The following DACH2 variants were observed in gnomAD, a reference collection of about 807,000 sequenced individuals.
DACH2 encodes the protein dachshund homolog 2.
DACH2 carries 17 observed loss-of-function variants against 35.8 expected under a neutral mutation model. The ratio of observed to expected loss-of-function variants is 0.48; its 90% CI spans 0.33 to 0.71. The LOEUF (loss-of-function observed/expected upper bound fraction) is 0.71. Among genes scored for constraint, DACH2 ranks in the 30% least tolerant of loss-of-function variants. The pLI is 0.02. For synonymous variants in DACH2, 195 were observed against 177.3 expected (o/e 1.10, Z -0.79); for missense variants, 469 against 472.7 (o/e 0.99, Z 0.07).
intron 3 of DACH2, among the ~76,000 whole-genome samples, chrX:86,588,442 A>T (rs1390374164): frequency 8.9e-6 from 1 of 111,856 alleles, no homozygotes; most frequent in Non-Finnish European, 1.9e-5. Flanking sequence ...AAATCTGTCG[A>T]TTGCTTTTGG....
At chrX:86,623,173 T>C (rs2040088680) in intron 3 of DACH2, among the ~76,000 whole-genome samples, 1 of 112,036 alleles carries the variant, frequency 8.9e-6, no homozygotes, top group South Asian at 3.7e-4. Flanking sequence ...AAATGAGACC[T>C]ATGTGTAGAC....
chrX:86,578,369 T>A (rs1011457311), intron 3 of DACH2, among the ~76,000 whole-genome samples: 1 of 111,021 alleles, frequency 9.0e-6, no homozygotes, highest in African/African-American at 3.3e-5. Flanking sequence ...TTCCTGTTGT[T>A]AGCATCTCAA....
chrX:86,724,587 C>G (rs1056305773), intron 6 of DACH2, among the ~76,000 whole-genome samples: 3 of 111,537 alleles, frequency 2.7e-5, no homozygotes, highest in Non-Finnish European at 1.9e-5. Context: ...CCTTTATAGA[C>G]GACTAGATGT....
At chrX:86,369,799 A>G (rs1265641696) in intron 1 of DACH2, among the ~76,000 whole-genome samples, 2 of 111,831 alleles carry the variant, frequency 1.8e-5, no homozygotes, top group Non-Finnish European at 1.9e-5. Context: ...GGACTTATAA[A>G]GTTTCTGATA....
chrX:86,165,012 G>C (rs7061273), intron 1 of DACH2, among the ~76,000 whole-genome samples: 31,219 of 109,796 alleles, frequency 0.28, 3,632 homozygotes, highest in Non-Finnish European at 0.34. Flanking sequence ...CATTGAATCT[G>C]TAAATTGCTT....
intron 1 of DACH2, among the ~76,000 whole-genome samples, chrX:86,375,756 GCT>G (rs928888083): frequency 2.8e-5 from 3 of 108,648 alleles, no homozygotes; most frequent in African/African-American, 1.0e-4. Flanking sequence ...TTTTTAGAAC[GCT>G]CTCTACAGAC....
intron 1 of DACH2, among the ~76,000 whole-genome samples, chrX:86,297,097 A>G (rs1217918690): frequency 1.9e-5 from 2 of 107,085 alleles, no homozygotes; most frequent in Non-Finnish European, 3.8e-5. Context: ...ACAATGAAAA[A>G]CATTACAATT....
intron 1 of DACH2, among the ~76,000 whole-genome samples, chrX:86,316,537 T>G (rs1320407647): frequency 9.0e-6 from 1 of 111,600 alleles, no homozygotes; most frequent in African/African-American, 3.3e-5. Context: ...TCTTTTCACT[T>G]GAACTGTCTA....
intron 2 of DACH2, among the ~76,000 whole-genome samples, chrX:86,399,625 C>G (rs1441536885): frequency 9.0e-6 from 1 of 111,170 alleles, no homozygotes; most frequent in Non-Finnish European, 1.9e-5. Context: ...GATTTTATTT[C>G]TCTTTCACTT....
intron 7 of DACH2, among the ~76,000 whole-genome samples, chrX:86,756,005 A>G (rs1417999364): frequency 9.0e-6 from 1 of 110,986 alleles, no homozygotes; most frequent in Non-Finnish European, 1.9e-5. Flanking sequence ...CCTTACCCCA[A>G]TGTATATTCT....
intron 1 of DACH2, among the ~76,000 whole-genome samples, chrX:86,299,903 T>A (rs1313257799): frequency 1.8e-5 from 2 of 111,854 alleles, no homozygotes; most frequent in Admixed American, 9.6e-5. Flanking sequence ...TTGTATTTTT[T>A]AAATTTTTTA....
rs1234844242 is a variant in DACH2 at position 86,606,299 on chromosome X, T to TC, written c.641-44737_641-44736insC. Reference sequence around the variant, plus strand: ...CATTGTTAGATTTTTTATTTGAAGTTTTTTTTTTTGATGTAAGTACTTATA... The same window carrying TC: ...CATTGTTAGATTTTTTATTTGAAGTTCTTTTTTTTTGATGTAAGTACTTATA... On this transcript the variant is annotated intron_variant, in intron 3 of 11. Coordinates refer to ENST00000373125, the MANE Select transcript of DACH2 (RefSeq NM_053281.3). 3.0e-4 allele frequency among the ~76,000 whole-genome samples: 33 copies of TC among 108,768 alleles called. No individual in the cohort carries two copies. In the East Asian group the frequency reaches 9.1e-3, roughly 30 times the overall value. The allele number at this position is 108,768 out of a possible 115,157, so 94.5% of individuals were successfully genotyped here.
chrX:86,394,541 CT>C (rs2036252201), intron 2 of DACH2, among the ~76,000 whole-genome samples: 2 of 111,416 alleles, frequency 1.8e-5, no homozygotes, highest in Middle Eastern at 4.9e-3. Context: ...AAGAGTATTT[CT>C]TTTGAAAAAT....
chrX:86,163,440 A>T (rs915630659), intron 1 of DACH2, among the ~76,000 whole-genome samples: 1 of 110,057 alleles, frequency 9.1e-6, no homozygotes, highest in East Asian at 2.8e-4. Context: ...TCTTTTTTTT[A>T]ATGTTTATTT....
At chrX:86,262,955 C>T in intron 1 of DACH2, 1 of 749,570 alleles carries the variant, frequency 1.3e-6, no homozygotes, top group Non-Finnish European at 1.6e-6. Context: ...CAACCCCCAT[C>T]CCATTCCCAG....
At chrX:86,519,222 A>G (rs987348380) in intron 3 of DACH2, among the ~76,000 whole-genome samples, 10 of 112,491 alleles carry the variant, frequency 8.9e-5, no homozygotes, top group African/African-American at 3.2e-4. Flanking sequence ...ATGTTGAACC[A>G]ACCTTACATC....
intron 6 of DACH2, among the ~76,000 whole-genome samples, chrX:86,737,657 G>GGT (rs1178040365): frequency 3.6e-5 from 4 of 111,672 alleles, no homozygotes; most frequent in Non-Finnish European, 7.5e-5. Context: ...TTGGACATGA[G>GGT]GTTCACTAGG....
At chrX:86,496,172 A>T (rs954714107) in intron 2 of DACH2, among the ~76,000 whole-genome samples, 1 of 111,838 alleles carries the variant, frequency 8.9e-6, no homozygotes, top group Non-Finnish European at 1.9e-5. Context: ...ATGAAAAACA[A>T]TTTGAATGAA....
intron 3 of DACH2, among the ~76,000 whole-genome samples, chrX:86,572,864 G>A (rs775738356): frequency 9.0e-5 from 10 of 111,200 alleles, no homozygotes; most frequent in Non-Finnish European, 1.9e-4. Flanking sequence ...AAGCTTTAGT[G>A]ATTTCACATG....
Sources: gnomAD v4.1 joint callset for allele counts (sites outside exome capture counted in the v4.1 genomes callset) on GRCh38, gnomAD v4.1.1 for gene constraint, MANE v1.5 for transcripts, NCBI Gene and HGNC (gene_info 2026-07-23, HGNC 2026-07-21) for gene names.